ZC3HAV1: variants seen among roughly 807,000 people sequenced by gnomAD.
ZC3HAV1 encodes zinc finger CCCH-type antiviral protein 1.
Under a neutral mutation model 86.6 loss-of-function variants are expected in ZC3HAV1, and 41 were observed. The ratio of observed to expected loss-of-function variants is 0.47; its 90% confidence interval spans 0.37 to 0.61. The LOEUF is 0.61. Ranked by LOEUF, ZC3HAV1 falls within the 20% of genes least tolerant of loss-of-function variation. ZC3HAV1 has a pLI of 0.00. For missense variants in ZC3HAV1, 964 were observed against 1,141.1 expected (o/e 0.84, Z 2.24); for synonymous variants, 421 against 432.1 (o/e 0.97, Z 0.32).
In ZC3HAV1 at chr7:139,088,031, CAAAAAAAAAAA is replaced by C. The variant is rs10544425; in HGVS notation, c.444+1582_444+1592del. On this transcript the variant is annotated intron_variant, in intron 2 of 12. Coordinates refer to ENST00000242351, the MANE Select transcript of ZC3HAV1 (RefSeq NM_020119.4). ...CGGGTGACAGAGCAAGATCCTGTCT[CAAAAAAAAAAA>C]AAAAAAAAAAAAAGAAAAAAGAAAA... 2.1e-4 allele frequency among the ~76,000 whole-genome samples: 12 copies of C among 57,872 alleles called. No individual in the cohort carries two copies. The East Asian group carries it at 2.6e-3, about 12-fold the overall frequency. 38.0% of individuals were successfully genotyped at this position (57,872 alleles called of 152,430 possible). A position where few individuals can be genotyped will look rare whatever the true frequency, so the allele number is the denominator to read the frequency against.
intron 9 of ZC3HAV1, among the ~76,000 whole-genome samples, chr7:139,055,544 A>C (rs1034967691): frequency 6.6e-6 from 1 of 152,238 alleles, no homozygotes; most frequent in African/African-American, 2.4e-5. Flanking sequence ...TTAAAATGTA[A>C]AAGTATTGAC....
intron 6 of ZC3HAV1, among the ~76,000 whole-genome samples, chr7:139,075,483 A>G (rs944169496): frequency 9.2e-5 from 14 of 152,176 alleles, no homozygotes; most frequent in African/African-American, 2.4e-4. Flanking sequence ...CCCAGGCTGG[A>G]GTGTGGTAGC....
At chr7:139,085,907 G>A (rs904722183) in intron 2 of ZC3HAV1, among the ~76,000 whole-genome samples, 8 of 152,066 alleles carry the variant, frequency 5.3e-5, no homozygotes, top group East Asian at 3.9e-4. Context: ...CCAGCTACAC[G>A]GGAAACTGAG....
intron 2 of ZC3HAV1, among the ~76,000 whole-genome samples, chr7:139,087,576 T>A (rs1352050086): frequency 6.6e-6 from 1 of 152,166 alleles, no homozygotes; most frequent in Non-Finnish European, 1.5e-5. Flanking sequence ...CAAGTCTTTA[T>A]AATGTGTCTT....
intron 1 of ZC3HAV1, among the ~76,000 whole-genome samples, chr7:139,100,533 C>CAAAA (rs774352815): frequency 6.9e-6 from 1 of 144,300 alleles, no homozygotes. Flanking sequence ...GGCTCTGTCT[C>CAAAA]AAAAAAAAAC....
chr7:139,092,052 G>A (rs1817452408), intron 1 of ZC3HAV1, among the ~76,000 whole-genome samples: 1 of 152,134 alleles, frequency 6.6e-6, no homozygotes, highest in Non-Finnish European at 1.5e-5. Context: ...CAATTTTACT[G>A]AAGTAAAGCA....
chr7:139,079,616 G>C lies in ZC3HAV1; in HGVS notation c.1325C>G (p.Thr442Ser), dbSNP rs766461269. ...ADGVATDITS[T>S]RSLNYKSTSS... ...AGTGCTTTTGTAATTTAAGGATCTG[G>C]TAGAAGTTATATCTGTGGCCACTCC... Residue 442 changes from threonine (T) to serine (S), a missense_variant, in exon 4 of 13, where the codon ACC becomes AGC. By Grantham distance (58) the Thr-to-Ser change is moderately conservative. Coordinates refer to ENST00000242351, the MANE Select transcript of ZC3HAV1 (RefSeq NM_020119.4). 6.2e-7 allele frequency: 1 copy of C among 1,614,112 alleles called. No homozygotes were observed. Among genetic ancestry groups the C allele is most frequent in the Non-Finnish European group, 8.5e-7 (1 of 1,180,014 alleles).
intron 1 of ZC3HAV1, among the ~76,000 whole-genome samples, chr7:139,102,522 T>C (rs1209770986): frequency 6.6e-6 from 1 of 152,058 alleles, no homozygotes; most frequent in Admixed American, 6.6e-5. Context: ...GAGTAGACCT[T>C]CTCTAAAATT....
At chr7:139,074,056 C>T in intron 6 of ZC3HAV1, 26 bp from the exon 7 acceptor site, 1 of 1,590,930 alleles carries the variant, frequency 6.3e-7, no homozygotes. Context: ...ATTAAGTTAA[C>T]ATAATGCTTC....
At chr7:139,079,103 C>T (rs1289988488) in intron 4 of ZC3HAV1, 3 of 1,536,070 alleles carry the variant, frequency 2.0e-6, no homozygotes, top group Middle Eastern at 1.7e-4. Flanking sequence ...CAGTGACTTA[C>T]ACTGAGCAGA....
chr7:139,097,401 CATATATATATATAT>C (rs1183885767), intron 1 of ZC3HAV1, among the ~76,000 whole-genome samples: 3 of 63,862 alleles, frequency 4.7e-5, no homozygotes, highest in Non-Finnish European at 7.6e-5. Context: ...ATTGGAACTC[CATATATATATATAT>C]ATATATATAT....
chr7:139,060,951 G>C (rs764667643), intron 9 of ZC3HAV1, 85 bp downstream of exon 9: 3 of 1,604,318 alleles, frequency 1.9e-6, no homozygotes, highest in East Asian at 4.5e-5. Context: ...AGGAAAACAG[G>C]CTCCAGATTC....
At chr7:139,067,538 A>G (rs117060978) in intron 7 of ZC3HAV1, among the ~76,000 whole-genome samples, 2,358 of 152,278 alleles carry the variant, frequency 0.015, 215 homozygotes, top group Admixed American at 0.14. Context: ...CAGGAATGAC[A>G]GACAATGGAG....
At position 139,065,907 on chromosome 7, in the gene ZC3HAV1, A is replaced by G. The variant is rs374291805; in HGVS notation, c.1873-908T>C. ...AGAGCAAGACTCTGTCAAAAAAAGAAAGAAAAGGAAAGAAGGGATAAGGCA... is the reference window on the plus strand; with the variant it reads ...AGAGCAAGACTCTGTCAAAAAAAGAGAGAAAAGGAAAGAAGGGATAAGGCA... On this transcript the variant is annotated intron_variant, in intron 7 of 12. Transcript: ENST00000242351. Among the ~76,000 whole-genome samples the G allele has an allele frequency of 1.2e-3, 183 of 152,314 alleles. 2 individuals are homozygous for G. The highest frequency in any genetic ancestry group is 4.1e-3 in the African/African-American group (171 of 41,570).
intron 3 of ZC3HAV1, 97 bp downstream of exon 3, chr7:139,083,683 C>T (rs1278227218): frequency 2.4e-5 from 35 of 1,439,666 alleles, no homozygotes; most frequent in South Asian, 7.4e-5. Flanking sequence ...GCTGAGATCA[C>T]GCCACTGTAC....
chr7:139,078,679 A>G (rs753131418), intron 4 of ZC3HAV1, 26 bp from the exon 5 acceptor site: 2 of 1,508,392 alleles, frequency 1.3e-6, no homozygotes, highest in Non-Finnish European at 1.8e-6. Context: ...GGATGCATGT[A>G]TGCTGATCTT....
intron 7 of ZC3HAV1, among the ~76,000 whole-genome samples, chr7:139,067,584 AT>A (rs1816642610): frequency 1.3e-5 from 2 of 152,328 alleles, no homozygotes; most frequent in African/African-American, 4.8e-5. Context: ...AGGGGAGTAG[AT>A]GATGAAAAAT....
chr7:139,051,075 T>A (rs1045360923), intron 12 of ZC3HAV1, among the ~76,000 whole-genome samples: 1 of 142,546 alleles, frequency 7.0e-6, no homozygotes, highest in Non-Finnish European at 1.5e-5. Flanking sequence ...TTCTTTTTTC[T>A]TTTTTTTTTT....
At chr7:139,063,027 CAAAAAAAAA>C (rs58859916) in intron 8 of ZC3HAV1, among the ~76,000 whole-genome samples, 2 of 68,102 alleles carry the variant, frequency 2.9e-5, no homozygotes, top group East Asian at 4.3e-4. Flanking sequence ...GACTCTGTCT[CAAAAAAAAA>C]AAAAAAAAAA....
Sources: gnomAD v4.1 joint callset for allele counts (sites outside exome capture counted in the v4.1 genomes callset) on GRCh38, gnomAD v4.1.1 for gene constraint, MANE v1.5 for transcripts, NCBI Gene and HGNC (gene_info 2026-07-23, HGNC 2026-07-21) for gene names.